The following ZNF853 variants were observed in gnomAD, a reference collection of about 807,000 sequenced individuals.
ZNF853 encodes zinc finger protein 853.
Under a neutral mutation model 94.7 loss-of-function variants are expected in ZNF853, and 57 were observed. The ratio of observed to expected loss-of-function variants is 0.60; its 90% confidence interval spans 0.49 to 0.75. ZNF853 has a LOEUF of 0.75. Ranked by LOEUF, ZNF853 falls within the 30% of genes least tolerant of loss-of-function variation. The pLI is 0.00. For synonymous variants in ZNF853, 448 were observed against 406.3 expected, an observed-to-expected ratio of 1.10 and a Z score of -1.23; for missense variants, 785 against 868.9, an observed-to-expected ratio of 0.90 and a Z score of 1.21.
At chr7:6,616,824 C>T in intron 1 of ZNF853, among the ~76,000 whole-genome samples, 12 of 152,038 alleles carry the variant, frequency 7.9e-5, no homozygotes, top group Non-Finnish European at 1.5e-4. Flanking sequence ...CCCCAGAGCT[C>T]CCCGCCCTGA....
In ZNF853 at chr7:6,621,411, C is replaced by A. The variant is rs1406840694; in HGVS notation, c.420C>A (p.Ser140=). ...AACTACAACAGGAAAAACACCAATC[C>A]GTGCACCATCAGGAACTGAAACCAG... ...LSQLQQEKHQ[S]VHHQELKPEL... is the part of the protein sequence containing the mutation. Residue 140 remains serine, a synonymous_variant, in exon 3 of 3, where the codon TCC becomes TCA. Coordinates refer to ENST00000457543, the MANE Select transcript of ZNF853 (RefSeq NM_017560.3). 1 of 1,551,748 alleles carries A rather than the reference C, an allele frequency of 6.4e-7. No homozygotes were observed. Among genetic ancestry groups the A allele is most frequent in the Non-Finnish European group, 8.7e-7 (1 of 1,147,016 alleles).
chr7:6,622,802 A>G lies in ZNF853; in HGVS notation c.1811A>G (p.Glu604Gly). The part of the protein sequence containing the change: ...ERPYVCEDCG[E>G]RFRHKVQIRR... The stretch of plus-strand genomic sequence containing the variant: ...CCCTACGTGTGCGAGGACTGTGGCG[A>G]GCGCTTCCGACACAAGGTGCAGATC... Residue 604 changes from glutamate (E) to glycine (G), a missense_variant, in exon 3 of 3, where the codon GAG becomes GGG. Glu to Gly is a moderately conservative substitution (Grantham distance 98, BLOSUM62 -2). Coordinates refer to ENST00000457543, the MANE Select transcript of ZNF853 (RefSeq NM_017560.3). The G allele has an allele frequency of 6.5e-7, 1 of 1,533,992 alleles. No individual in the cohort carries two copies. Among genetic ancestry groups the G allele is most frequent in the Non-Finnish European group, 8.7e-7 (1 of 1,144,388 alleles).
At position 6,622,608 on chromosome 7, in the gene ZNF853, A is replaced by G; in HGVS notation, c.1617A>G (p.Lys539=). ...ACCAACGCATCCACACGGGCGAGAA[A>G]CCCTACGCCTGCTCCTACTGCGCCA... is the stretch of plus-strand genomic sequence containing the variant. ...VTHQRIHTGE[K]PYACSYCAKR... The change falls in exon 3 of 3, where the codon AAA becomes AAG. Residue 539 remains lysine (K), a synonymous_variant. Transcript: ENST00000457543. 1 of 1,580,534 alleles carries G rather than the reference A, an allele frequency of 6.3e-7. No individual in the cohort carries two copies. Among genetic ancestry groups the G allele is most frequent in the Non-Finnish European group, 8.6e-7 (1 of 1,164,352 alleles).
At chr7:6,621,078 C>A in intron 2 of ZNF853, 44 bp from the exon 3 acceptor site, 1 of 1,459,696 alleles carries the variant, frequency 6.9e-7, no homozygotes, top group Non-Finnish European at 9.0e-7. Context: ...CAGAGAGCTT[C>A]CTGTAGATCT....
rs1177912864 is a variant in ZNF853 at position 6,623,466 on chromosome 7, T to C, written c.*495T>C. The C allele has an allele frequency of 2.5e-6, 1 of 397,816 alleles. No individual in the cohort carries two copies. Among genetic ancestry groups the C allele is most frequent in the Admixed American group, 4.4e-5 (1 of 22,704 alleles). The allele number at this position is 397,816 out of a possible 1,614,324, so 24.6% of individuals were successfully genotyped here. The stretch of plus-strand genomic sequence containing the variant: ...CACTATGTAGAAACTGACCAAGGCA[T>C]CGAATCGTCCTCAGAGGCATTTGCC... On this transcript the variant is annotated 3_prime_UTR_variant, in exon 3 of 3. Coordinates refer to ENST00000457543, the MANE Select transcript of ZNF853 (RefSeq NM_017560.3).
At chr7:6,618,117 T>C in intron 2 of ZNF853, among the ~76,000 whole-genome samples, 2 of 151,672 alleles carry the variant, frequency 1.3e-5, no homozygotes, top group African/African-American at 2.4e-5. Flanking sequence ...CTGGCCAACA[T>C]GGTGAAACAC....
rs935984370 is a variant in ZNF853, at chr7:6,621,496, C to A, written c.505C>A (p.Arg169=). 6.4e-7 allele frequency: 1 copy of A among 1,551,808 alleles called. No individual in the cohort carries two copies. Among genetic ancestry groups the A allele is most frequent in the Non-Finnish European group, 8.7e-7 (1 of 1,147,018 alleles). Residue 169 remains arginine, a synonymous_variant, in exon 3 of 3, where the codon CGG becomes AGG. Coordinates refer to ENST00000457543, the MANE Select transcript of ZNF853 (RefSeq NM_017560.3). ...GCCACAGCAAGTGCAAGAGCAACAG[C>A]GGTTGCAGCAGCAGCAGGAGCAGTT... ...LQPQQVQEQQ[R]LQQQQEQLQT...
Position 6,622,197 on chromosome 7 carries a change from G to T in ZNF853, c.1206G>T (p.Leu402=). Residue 402 remains leucine, a synonymous_variant, in exon 3 of 3, where the codon CTG becomes CTT. Transcript: ENST00000457543. ...GCGCCCAGCAGCAGGAGGTGCAGCT[G>T]GAGCTGACCCCCGTGCAGCCGGAGC... is the stretch of plus-strand genomic sequence containing the variant. ...ELGAQQQEVQ[L]ELTPVQPELQ... is the part of the protein sequence containing the mutation. 6.5e-7 allele frequency: 1 copy of T among 1,539,016 alleles called. No homozygotes were observed.
intron 2 of ZNF853, among the ~76,000 whole-genome samples, chr7:6,619,673 A>T: frequency 1.3e-5 from 2 of 152,220 alleles, no homozygotes; most frequent in African/African-American, 2.4e-5. Context: ...AAAACATATG[A>T]TGTTATAGGG....
intron 2 of ZNF853, among the ~76,000 whole-genome samples, chr7:6,620,362 G>C: frequency 6.6e-6 from 1 of 152,186 alleles, no homozygotes; most frequent in South Asian, 2.1e-4. Flanking sequence ...TGGCTTGGCC[G>C]TTGGGACAGC....
rs1210390998 is a variant in ZNF853, at chr7:6,621,245, GACA to G, written c.257_259del (p.Gln86del). 2 of 1,548,754 alleles carry G rather than the reference GACA, an allele frequency of 1.3e-6. No homozygotes were observed. Among genetic ancestry groups the G allele is most frequent in the South Asian group, 1.2e-5 (1 of 83,770 alleles). On this transcript the variant is annotated inframe_deletion, in exon 3 of 3. Transcript: ENST00000457543. The stretch of plus-strand genomic sequence containing the variant: ...GAAATCGCTGAGGAAACCCGGCCGG[GACA>G]ACGAGAGTTGCAACTGCAGCAGTTA...
intron 1 of ZNF853, 92 bp downstream of exon 1, chr7:6,616,278 G>T: frequency 7.5e-7 from 1 of 1,334,088 alleles, no homozygotes; most frequent in Admixed American, 2.1e-5. Flanking sequence ...CTGTTTAGGG[G>T]AGAGGGGCCA....
Position 6,621,934 on chromosome 7 carries a change from G to A in ZNF853, c.943G>A (p.Glu315Lys), listed in dbSNP as rs765769110. ...QQLQPPPLEP[E>K]EEEEVELELM... ...ACTGCAGCCTCCTCCCCTGGAGCCC[G>A]AGGAGGAGGAAGAGGTGGAGCTGGA... The change falls in exon 3 of 3, where the codon GAG becomes AAG. Residue 315 changes from glutamate (E) to lysine (K), a missense_variant. Glu to Lys is a moderately conservative substitution (Grantham distance 56). Transcript: ENST00000457543. 29 of 1,551,006 alleles carry A rather than the reference G, an allele frequency of 1.9e-5. No individual in the cohort carries two copies. The highest frequency in any genetic ancestry group is 2.7e-5 in the African/African-American group (2 of 73,044).
chr7:6,621,709 C>T lies in ZNF853; in HGVS notation c.718C>T (p.Gln240Ter). 1 of 1,551,236 alleles carries T rather than the reference C, an allele frequency of 6.4e-7. No homozygotes were observed. Among genetic ancestry groups the T allele is most frequent in the Non-Finnish European group, 8.7e-7 (1 of 1,146,986 alleles). ...QQQEQLQQQQ[Q>*]LLLLQQQGQL... ...GCAGGAACAGTTACAGCAGCAGCAGCAGCTACTATTGCTGCAGCAGCAGGG... is the reference window on the plus strand; with the variant it reads ...GCAGGAACAGTTACAGCAGCAGCAGTAGCTACTATTGCTGCAGCAGCAGGG... Residue 240 changes from glutamine (Q) to a stop codon, truncating the protein, a stop_gained, in exon 3 of 3, where the codon CAG (glutamine) becomes TAG (stop). Coordinates refer to ENST00000457543, the MANE Select transcript of ZNF853 (RefSeq NM_017560.3). LOFTEE classifies it high-confidence loss of function.
intron 2 of ZNF853, among the ~76,000 whole-genome samples, chr7:6,620,603 TTCTTTCTCTCTCTC>T: frequency 4.5e-5 from 6 of 132,554 alleles, no homozygotes. Flanking sequence ...CCTTCTTCCT[TTCTTTCTCTCTCTC>T]TCTTTCTCTC....
At chr7:6,618,059 G>A in intron 2 of ZNF853, among the ~76,000 whole-genome samples, 6 of 152,132 alleles carry the variant, frequency 3.9e-5, no homozygotes, top group Non-Finnish European at 5.9e-5. Context: ...CAGCACTTTG[G>A]GAGGCCGAGG....
At position 6,622,744 on chromosome 7, in the gene ZNF853, C is replaced by T. The variant is rs1442114011; in HGVS notation, c.1753C>T (p.Leu585=). 2 of 1,555,740 alleles carry T rather than the reference C, an allele frequency of 1.3e-6. No homozygotes were observed. Among genetic ancestry groups the T allele is most frequent in the Non-Finnish European group, 1.7e-6 (2 of 1,153,118 alleles). Residue 585 remains leucine, a synonymous_variant, in exon 3 of 3, where the codon CTG becomes TTG. Transcript: ENST00000457543. ...GKRFSVSSNL[L]RHRRTHSGER... is the part of the protein sequence containing the mutation. ...GCGCTTCAGCGTCTCCTCCAACCTGCTGCGCCACCGGCGCACGCACTCGGG... is the reference window on the plus strand; with the variant it reads ...GCGCTTCAGCGTCTCCTCCAACCTGTTGCGCCACCGGCGCACGCACTCGGG...
In ZNF853 at chr7:6,623,820, C is replaced by G. The variant is rs1782694417; in HGVS notation, c.*849C>G. ...TGGAAGGAGGGTCCCCCAGAAGGAG[C>G]TCCGGGGTAGCCCCACTGTGGCCCC... On this transcript the variant is annotated 3_prime_UTR_variant, in exon 3 of 3. Transcript: ENST00000457543. The G allele has an allele frequency of 6.5e-6, 1 of 152,746 alleles. No individual in the cohort carries two copies. The highest frequency in any genetic ancestry group is 6.5e-5 in the Admixed American group (1 of 15,284). The allele number at this position is 152,746 out of a possible 1,614,324, so 9.5% of individuals were successfully genotyped here.
chr7:6,618,073 G>C, intron 2 of ZNF853, among the ~76,000 whole-genome samples: 1 of 152,050 alleles, frequency 6.6e-6, no homozygotes, highest in Non-Finnish European at 1.5e-5. Flanking sequence ...GCCGAGGCGG[G>C]CAGATCAGTT....
Sources: allele counts gnomAD v4.1 joint callset (sites outside exome capture counted in the v4.1 genomes callset), GRCh38; gene constraint gnomAD v4.1.1; transcripts MANE v1.5; gene names NCBI Gene and HGNC (gene_info 2026-07-23, HGNC 2026-07-21).